Variants in THSD7B observed in about 807,000 individuals in gnomAD.
The protein encoded by THSD7B is thrombospondin type-1 domain-containing protein 7B.
THSD7B carries 138 observed loss-of-function variants against 213.6 expected under a neutral mutation model. The ratio of observed to expected loss-of-function variants is 0.65; its 90% CI spans 0.56 to 0.74. The LOEUF (loss-of-function observed/expected upper bound fraction) is 0.74. THSD7B is among the 30% of genes least tolerant of loss of function. The pLI is 0.00. For synonymous variants in THSD7B, 742 were observed against 687.0 expected, an observed-to-expected ratio of 1.08 and a Z score of -1.25; for missense variants, 1,931 against 1,991.5, an observed-to-expected ratio of 0.97 and a Z score of 0.58.
chr2:137,608,067 A>G (rs7597979), intron 17 of THSD7B, among the ~76,000 whole-genome samples: 33,782 of 152,038 alleles, frequency 0.22, 4,445 homozygotes, highest in African/African-American at 0.36. Context: ...ACTAACACAT[A>G]TATCTGGCAC....
chr2:137,642,010 A>G (rs1258927613), intron 20 of THSD7B, among the ~76,000 whole-genome samples: 1 of 152,134 alleles, frequency 6.6e-6, no homozygotes, highest in East Asian at 1.9e-4. Context: ...TATTATGCTC[A>G]TGCTCATTGC....
intron 1 of THSD7B, among the ~76,000 whole-genome samples, chr2:136,785,499 C>T (rs1334068432): frequency 3.9e-5 from 6 of 152,242 alleles, no homozygotes; most frequent in South Asian, 2.1e-4. Context: ...ATAGGGCTCC[C>T]GGGGTCTGAG....
In THSD7B at chr2:137,200,519, A is replaced by G. The variant is rs554782453; in HGVS notation, c.1723+29581A>G. ...ATACATATAGAAATCAGCATAAATC[A>G]TAGTATTCCCTGAATGAATTTTTAA... On this transcript the variant is annotated intron_variant, in intron 7 of 27. Transcript: ENST00000409968. Among the ~76,000 whole-genome samples the G allele has an allele frequency of 9.9e-5, 15 of 152,264 alleles. No homozygotes were observed. In the East Asian group the frequency reaches 2.9e-3, roughly 29 times the overall value.
intron 3 of THSD7B, among the ~76,000 whole-genome samples, chr2:137,061,213 A>T (rs1436701597): frequency 6.6e-6 from 1 of 151,732 alleles, no homozygotes; most frequent in Admixed American, 6.6e-5. Context: ...ACTTTGTTAT[A>T]GTCACTTATT....
chr2:137,579,998 A>G lies in THSD7B; in HGVS notation c.3423+7442A>G, dbSNP rs542954042. 9.2e-5 allele frequency among the ~76,000 whole-genome samples: 14 copies of G among 152,246 alleles called. No homozygotes were observed. In the East Asian group the frequency reaches 2.5e-3, roughly 27 times the overall value. ...CAATTTGTGGTATCTTCTGTCATAT[A>G]AAAGTGTTTAGTTTTTATGATACTA... On this transcript the variant is annotated intron_variant, in intron 17 of 27. Transcript: ENST00000409968.
intron 2 of THSD7B, among the ~76,000 whole-genome samples, chr2:137,044,482 C>T (rs190399598): frequency 2.2e-4 from 34 of 152,178 alleles, no homozygotes; most frequent in Non-Finnish European, 2.9e-4. Context: ...GTACAAAAGT[C>T]CACCTTTGTT....
chr2:136,904,710 C>T (rs1051236203), intron 2 of THSD7B, among the ~76,000 whole-genome samples: 2 of 152,034 alleles, frequency 1.3e-5, no homozygotes, highest in Non-Finnish European at 2.9e-5. Flanking sequence ...CTGGAGATCC[C>T]AAGGAACCTT....
intron 4 of THSD7B, among the ~76,000 whole-genome samples, chr2:137,112,988 T>C (rs1688375947): frequency 6.6e-6 from 1 of 152,212 alleles, no homozygotes; most frequent in Non-Finnish European, 1.5e-5. Context: ...ACCAAGTTGG[T>C]TGGACTCCAA....
chr2:136,977,432 T>TC (rs398090689), intron 2 of THSD7B, among the ~76,000 whole-genome samples: 115 of 152,250 alleles, frequency 7.6e-4, no homozygotes, highest in Admixed American at 6.3e-3. Context: ...TTGATTTTTT[T>TC]GAAGACTTTT....
intron 3 of THSD7B, among the ~76,000 whole-genome samples, chr2:137,089,160 T>C (rs1179072916): frequency 1.3e-5 from 2 of 151,818 alleles, no homozygotes; most frequent in Non-Finnish European, 2.9e-5. Flanking sequence ...TAGTTGCACA[T>C]GCATGTTTAC....
chr2:137,405,888 A>G, intron 13 of THSD7B, 81 bp downstream of exon 13: 3 of 1,310,022 alleles, frequency 2.3e-6, no homozygotes, highest in South Asian at 1.6e-5. Flanking sequence ...GGTCCAAAGG[A>G]CAGGAATTTG....
At chr2:137,038,381 G>A (rs1686816376) in intron 2 of THSD7B, among the ~76,000 whole-genome samples, 1 of 152,104 alleles carries the variant, frequency 6.6e-6, no homozygotes, top group African/African-American at 2.4e-5. Flanking sequence ...TCTGTGATGG[G>A]CAGCAGGTCT....
intron 3 of THSD7B, among the ~76,000 whole-genome samples, chr2:137,076,596 C>T (rs1184199959): frequency 2.0e-5 from 3 of 152,210 alleles, no homozygotes; most frequent in Non-Finnish European, 2.9e-5. Flanking sequence ...CACCCACCGT[C>T]CTGGGCCTAC....
chr2:136,877,521 T>A (rs1373557015), intron 1 of THSD7B, among the ~76,000 whole-genome samples: 1 of 152,190 alleles, frequency 6.6e-6, no homozygotes, highest in East Asian at 1.9e-4. Flanking sequence ...TGGTATGCAG[T>A]GTAGAAATTT....
chr2:137,491,295 T>TAAA (rs1317793117), intron 15 of THSD7B, among the ~76,000 whole-genome samples: 1 of 152,166 alleles, frequency 6.6e-6, no homozygotes, highest in Non-Finnish European at 1.5e-5. Context: ...TGAAGAGGGA[T>TAAA]AAAAAGGAAA....
intron 12 of THSD7B, among the ~76,000 whole-genome samples, chr2:137,372,468 A>G (rs1387014233): frequency 4.0e-5 from 6 of 150,612 alleles, no homozygotes; most frequent in Non-Finnish European, 8.8e-5. Context: ...GGTTTTATAC[A>G]TTTTAGGGAG....
chr2:137,586,192 A>G (rs1267369462), intron 17 of THSD7B, among the ~76,000 whole-genome samples: 2 of 152,038 alleles, frequency 1.3e-5, no homozygotes, highest in South Asian at 2.1e-4. Context: ...TGCTTGGTAG[A>G]TCTTCCTCCA....
Position 137,369,163 on chromosome 2 carries a change from A to ATT in THSD7B, c.2501-36449_2501-36448insTT, listed in dbSNP as rs1210396572. Among the ~76,000 whole-genome samples, 247 of 150,646 alleles carry ATT rather than the reference A, an allele frequency of 1.6e-3. 6 individuals are homozygous for ATT. Among genetic ancestry groups the ATT allele is most frequent in the African/African-American group, 5.3e-3 (215 of 40,552 alleles). ...GGCGGGGGGGACCATATATATATAT[A>ATT]TATATTTTTGACAACTTTAGACACT... On this transcript the variant is annotated intron_variant, in intron 12 of 27. Coordinates refer to ENST00000409968, the MANE Select transcript of THSD7B (RefSeq NM_001316349.2).
At chr2:136,977,192 G>A (rs1202517085) in intron 2 of THSD7B, among the ~76,000 whole-genome samples, 1 of 152,008 alleles carries the variant, frequency 6.6e-6, no homozygotes, top group Non-Finnish European at 1.5e-5. Flanking sequence ...TTGGGAATGT[G>A]TATGTGCCCA....
Sources: allele counts gnomAD v4.1 joint callset (sites outside exome capture counted in the v4.1 genomes callset), GRCh38; gene constraint gnomAD v4.1.1; transcripts MANE v1.5; gene names NCBI Gene and HGNC (gene_info 2026-07-23, HGNC 2026-07-21).